Variants in CSTPP1 observed in about 807,000 individuals in gnomAD.
CSTPP1 encodes the protein UPF0705 protein C11orf49.
the CSTPP1 span, chr11:47,154,394 C>G: frequency 6.6e-6 from 1 of 152,256 alleles, no homozygotes; most frequent in Non-Finnish European, 1.5e-5. Context: ...TGTCCTGGCT[C>G]AGATGAGGTG....
At chr11:47,029,769 G>C in the CSTPP1 span, among the ~76,000 whole-genome samples, 1 of 150,746 alleles carries the variant, frequency 6.6e-6, no homozygotes, top group African/African-American at 2.4e-5. Context: ...CTGCTCTCCT[G>C]TTTTACTTCT....
the CSTPP1 span, among the ~76,000 whole-genome samples, chr11:47,002,986 G>A: frequency 1.3e-5 from 2 of 152,094 alleles, no homozygotes; most frequent in Non-Finnish European, 2.9e-5. Flanking sequence ...CAAGTGTTAT[G>A]CCATTAGCAA....
At chr11:47,066,207 C>T in the CSTPP1 span, among the ~76,000 whole-genome samples, 3 of 146,246 alleles carry the variant, frequency 2.1e-5, no homozygotes, top group Non-Finnish European at 4.5e-5. Context: ...TTGTCTTTTT[C>T]CTGATCTTAG....
the CSTPP1 span, among the ~76,000 whole-genome samples, chr11:46,951,102 G>A: frequency 2.6e-5 from 4 of 152,070 alleles, no homozygotes; most frequent in African/African-American, 9.7e-5. Context: ...CAAGGTCACT[G>A]AGCTAGTATG....
At chr11:47,157,692 CT>C in the CSTPP1 span, 2 of 903,598 alleles carry the variant, frequency 2.2e-6, no homozygotes, top group Non-Finnish European at 3.5e-6. Flanking sequence ...CCCCCAGGGC[CT>C]TGGGGCTCCC....
chr11:47,045,339 A>G, the CSTPP1 span, among the ~76,000 whole-genome samples: 2 of 151,496 alleles, frequency 1.3e-5, no homozygotes, highest in Non-Finnish European at 3.0e-5. Context: ...AAAAGCTTTG[A>G]AAACCTGAAG....
chr11:46,940,578 T>C, the CSTPP1 span, among the ~76,000 whole-genome samples: 2 of 152,198 alleles, frequency 1.3e-5, no homozygotes, highest in African/African-American at 2.4e-5. Flanking sequence ...AATATGCATT[T>C]TTAAATGAAG....
the CSTPP1 span, among the ~76,000 whole-genome samples, chr11:47,011,088 T>C: frequency 3.3e-4 from 51 of 152,300 alleles, no homozygotes; most frequent in Non-Finnish European, 6.0e-4. Flanking sequence ...AAAACTAATT[T>C]TTAAGTGGTG....
At chr11:47,036,242 TTATATATTATATATTATATAATA>T in the CSTPP1 span, among the ~76,000 whole-genome samples, 83 of 45,184 alleles carry the variant, frequency 1.8e-3, 1 homozygote, top group African/African-American at 5.7e-3. Context: ...TATATTATAT[TTATATATTATATATTATATAATA>T]TATATATTAT....
the CSTPP1 span, among the ~76,000 whole-genome samples, chr11:47,136,812 C>T: frequency 6.6e-6 from 1 of 152,178 alleles, no homozygotes; most frequent in East Asian, 1.9e-4. Context: ...TATGATAATA[C>T]TTACACATTC....
the CSTPP1 span, among the ~76,000 whole-genome samples, chr11:46,992,230 T>A: frequency 6.6e-6 from 1 of 151,884 alleles, no homozygotes; most frequent in African/African-American, 2.4e-5. Context: ...TTTTTTATTT[T>A]TTTTATTTAT....
At chr11:47,151,329 C>G in the CSTPP1 span, among the ~76,000 whole-genome samples, 1 of 151,672 alleles carries the variant, frequency 6.6e-6, no homozygotes, top group South Asian at 2.1e-4. Flanking sequence ...AGGAGAATCG[C>G]TTGAACCTAG....
At chr11:47,154,056 C>T in the CSTPP1 span, among the ~76,000 whole-genome samples, 1 of 152,050 alleles carries the variant, frequency 6.6e-6, no homozygotes, top group Non-Finnish European at 1.5e-5. Context: ...TCTCCTGCTT[C>T]AGCCTCCTGA....
chr11:47,116,498 T>G, the CSTPP1 span, among the ~76,000 whole-genome samples: 1 of 152,098 alleles, frequency 6.6e-6, no homozygotes, highest in Admixed American at 6.5e-5. Context: ...ATCTGGGTGG[T>G]CATGTATTGG....
chr11:47,082,848 T>C, the CSTPP1 span, among the ~76,000 whole-genome samples: 149,885 of 152,188 alleles, frequency 0.98, 73,852 homozygotes, highest in Middle Eastern at 1. Flanking sequence ...GCTTCTGTAT[T>C]TGGTTTCTTT....
the CSTPP1 span, chr11:47,137,645 A>G: frequency 6.2e-7 from 1 of 1,614,108 alleles, no homozygotes; most frequent in Admixed American, 1.7e-5. Context: ...TCCACTTCAG[A>G]TTTGCTGACC....
chr11:47,135,217 A>T, the CSTPP1 span, among the ~76,000 whole-genome samples: 1 of 151,722 alleles, frequency 6.6e-6, no homozygotes, highest in African/African-American at 2.4e-5. Flanking sequence ...ACCAAAACAA[A>T]CTCCCATTGT....
the CSTPP1 span, among the ~76,000 whole-genome samples, chr11:46,952,454 T>C: frequency 6.6e-6 from 1 of 152,210 alleles, no homozygotes; most frequent in Non-Finnish European, 1.5e-5. Context: ...AGAATGGCAG[T>C]GTATTTTTGG....
chr11:46,985,298 G>A, the CSTPP1 span, among the ~76,000 whole-genome samples: 4 of 152,088 alleles, frequency 2.6e-5, no homozygotes, highest in African/African-American at 7.2e-5. Flanking sequence ...AAACTTACTT[G>A]TTTTATGAGC....
Sources: gnomAD v4.1 joint callset for allele counts (sites outside exome capture counted in the v4.1 genomes callset) on GRCh38, gnomAD v4.1.1 for gene constraint, MANE v1.5 for transcripts, NCBI Gene and HGNC (gene_info 2026-07-23, HGNC 2026-07-21) for gene names.